The following RAPGEF5 variants were observed in gnomAD, a reference collection of about 807,000 sequenced individuals.
RAPGEF5 encodes M-Ras-regulated GEF.
RAPGEF5 carries 65 observed loss-of-function variants against 125.2 expected under a neutral mutation model. That is an observed-to-expected ratio of 0.52 (90% CI 0.43 to 0.64). The LOEUF (loss-of-function observed/expected upper bound fraction) is 0.64, where lower values mean the gene tolerates loss of function less well. RAPGEF5 is among the 30% of genes least tolerant of loss of function. The probability of loss-of-function intolerance (pLI) is 0.00; values close to 1 mark genes in which losing one functional copy is unlikely to be tolerated. For missense variants in RAPGEF5, 958 were observed against 1,048.1 expected, an observed-to-expected ratio of 0.91 and a Z score of 1.19; for synonymous variants, 391 against 385.9, an observed-to-expected ratio of 1.01 and a Z score of -0.16.
intron 22 of RAPGEF5, 93 bp from the exon 23 acceptor site, chr7:22,136,218 C>T (rs141515509): frequency 1.1e-6 from 1 of 930,652 alleles, no homozygotes; most frequent in African/African-American, 1.7e-5. Context: ...TTGAACATAA[C>T]TTAGATATAG....
intron 1 of RAPGEF5, among the ~76,000 whole-genome samples, chr7:22,341,304 G>A (rs1365281480): frequency 6.6e-6 from 1 of 152,080 alleles, no homozygotes; most frequent in Non-Finnish European, 1.5e-5. Flanking sequence ...AACAGCACAG[G>A]AAAGATCTGC....
intron 7 of RAPGEF5, among the ~76,000 whole-genome samples, chr7:22,254,091 G>A (rs1786689375): frequency 6.6e-6 from 1 of 152,228 alleles, no homozygotes; most frequent in South Asian, 2.1e-4. Context: ...GGAATATTCT[G>A]CTCCAAAGTA....
chr7:22,187,719 C>A (rs1161066084), intron 11 of RAPGEF5, among the ~76,000 whole-genome samples: 1 of 152,158 alleles, frequency 6.6e-6, no homozygotes, highest in Non-Finnish European at 1.5e-5. Context: ...AGGACAGGGG[C>A]CAGCGGACAT....
At chr7:22,330,108 T>C (rs905914912) in intron 1 of RAPGEF5, among the ~76,000 whole-genome samples, 3 of 152,158 alleles carry the variant, frequency 2.0e-5, no homozygotes, top group Non-Finnish European at 2.9e-5. Flanking sequence ...AAAGACAAAG[T>C]TCACAGATAA....
rs201537912 is a variant in RAPGEF5, at chr7:22,194,545, C to CG, written c.997-513dup. The CG allele has an allele frequency of 5.1e-3, 4,903 of 952,978 alleles. 178 individuals carry two copies. The African/African-American group carries it at 0.079, about 15-fold the overall frequency. 59.0% of individuals were successfully genotyped at this position (952,978 alleles called of 1,614,324 possible). On this transcript the variant is annotated intron_variant, in intron 9 of 25. Coordinates refer to ENST00000665637, the MANE Select transcript of RAPGEF5 (RefSeq NM_012294.5). ...TACTTTACACCCTTACTTTAAAAGG[C>CG]GGCAAGAAAAAAAAAACTACCCACT...
intron 21 of RAPGEF5, among the ~76,000 whole-genome samples, chr7:22,137,557 G>C (rs1012265783): frequency 6.6e-6 from 1 of 152,336 alleles, no homozygotes; most frequent in Middle Eastern, 3.4e-3. Flanking sequence ...GCCTAAGGAA[G>C]AAGGGCCTGG....
chr7:22,136,843 G>T, intron 22 of RAPGEF5, 90 bp downstream of exon 22: 1 of 1,115,712 alleles, frequency 9.0e-7, no homozygotes, highest in Non-Finnish European at 1.3e-6. Context: ...TGACACGGTA[G>T]AGTACAAATA....
At chr7:22,296,854 G>A (rs1330718383) in intron 5 of RAPGEF5, among the ~76,000 whole-genome samples, 2 of 152,192 alleles carry the variant, frequency 1.3e-5, no homozygotes, top group Non-Finnish European at 2.9e-5. Flanking sequence ...TATCCCAGGG[G>A]CCAAGTGGAA....
At chr7:22,192,327 T>C (rs575496643) in intron 11 of RAPGEF5, 5 of 152,248 alleles carry the variant, frequency 3.3e-5, no homozygotes, top group African/African-American at 9.6e-5. Flanking sequence ...TTTGATACTG[T>C]TTTTTTGCCC....
At chr7:22,171,746 C>T (rs368072421) in intron 11 of RAPGEF5, among the ~76,000 whole-genome samples, 20 of 152,104 alleles carry the variant, frequency 1.3e-4, no homozygotes, top group African/African-American at 2.9e-4. Flanking sequence ...GTGATCTGCC[C>T]GCCTCAGCCT....
chr7:22,157,051 G>C (rs964231586), intron 15 of RAPGEF5, among the ~76,000 whole-genome samples, 163 bp from the exon 16 acceptor site: 2 of 152,146 alleles, frequency 1.3e-5, no homozygotes, highest in African/African-American at 4.8e-5. Context: ...CTCAACTAAT[G>C]CAAGTGGTGG....
chr7:22,240,319 T>C (rs1786297012), intron 7 of RAPGEF5, among the ~76,000 whole-genome samples: 1 of 146,778 alleles, frequency 6.8e-6, no homozygotes, highest in Non-Finnish European at 1.5e-5. Flanking sequence ...GCAACAGGTT[T>C]GGGTTTTTTT....
intron 9 of RAPGEF5, among the ~76,000 whole-genome samples, chr7:22,201,850 G>A (rs572623342): frequency 2.6e-5 from 4 of 152,222 alleles, no homozygotes; most frequent in Non-Finnish European, 4.4e-5. Flanking sequence ...GTGGGATGGA[G>A]GGTAGAAGAG....
At chr7:22,270,093 G>A (rs1360047689) in intron 6 of RAPGEF5, among the ~76,000 whole-genome samples, 1 of 152,194 alleles carries the variant, frequency 6.6e-6, no homozygotes, top group Non-Finnish European at 1.5e-5. Context: ...TGTTGACCAG[G>A]AACTGACCTT....
intron 9 of RAPGEF5, among the ~76,000 whole-genome samples, chr7:22,199,161 C>T (rs1303098711): frequency 6.6e-6 from 1 of 152,138 alleles, no homozygotes; most frequent in Non-Finnish European, 1.5e-5. Flanking sequence ...CATACAAGGG[C>T]TTTCATTCTA....
intron 11 of RAPGEF5, among the ~76,000 whole-genome samples, chr7:22,170,501 G>T (rs1246718144): frequency 1.3e-5 from 2 of 152,202 alleles, no homozygotes; most frequent in East Asian, 3.9e-4. Context: ...GACTCTTTGG[G>T]GTGTTCTTAC....
At position 22,131,070 on chromosome 7, in the gene RAPGEF5, A is replaced by G; in HGVS notation, c.2448T>C (p.Thr816=). ...CAAAATTGACAAGATTATCCAAAAAAGTTTTATTTCCTTCATGAATAAATG... is the reference window on the plus strand; with the variant it reads ...CAAAATTGACAAGATTATCCAAAAAGGTTTTATTTCCTTCATGAATAAATG... ...DVTFIHEGNK[T]FLDNLVNFEK... Residue 816 remains threonine, a synonymous_variant, in exon 24 of 26, where the codon ACT becomes ACC. Coordinates refer to ENST00000665637, the MANE Select transcript of RAPGEF5 (RefSeq NM_012294.5). The G allele has an allele frequency of 6.5e-7, 1 of 1,536,128 alleles. No homozygotes were observed. The highest frequency in any genetic ancestry group is 1.2e-5 in the South Asian group (1 of 80,024).
At chr7:22,163,399 G>A (rs191652534) in intron 12 of RAPGEF5, among the ~76,000 whole-genome samples, 48 of 152,284 alleles carry the variant, frequency 3.2e-4, no homozygotes, top group Non-Finnish European at 1.5e-4. Flanking sequence ...TATGCACAAT[G>A]TATTGTTGAG....
At chr7:22,204,025 A>G (rs1021904751) in intron 9 of RAPGEF5, among the ~76,000 whole-genome samples, 2 of 152,240 alleles carry the variant, frequency 1.3e-5, no homozygotes, top group Non-Finnish European at 2.9e-5. Context: ...TTATGATTAA[A>G]GTTTCTACAT....
Sources: allele counts gnomAD v4.1 joint callset (sites outside exome capture counted in the v4.1 genomes callset), GRCh38; gene constraint gnomAD v4.1.1; transcripts MANE v1.5; gene names NCBI Gene and HGNC (gene_info 2026-07-23, HGNC 2026-07-21).